PACRG: variants seen among roughly 807,000 people sequenced by gnomAD.
PACRG encodes the protein parkin coregulated, also known as parkin coregulated gene protein.
Under a neutral mutation model 29.7 loss-of-function variants are expected in PACRG, and 29 were observed. The observed-to-expected ratio is 0.98, with a 90% confidence interval of 0.73 to 1.33. PACRG has a LOEUF of 1.33. Among genes scored for constraint, PACRG ranks in the 40% most tolerant of loss-of-function variants. The pLI, the probability that PACRG is intolerant of heterozygous loss-of-function variation, is 0.00. For synonymous variants in PACRG, 116 were observed against 118.7 expected (o/e 0.98, Z 0.15); for missense variants, 279 against 316.2 (o/e 0.88, Z 0.89).
chr6:162,930,622 A>G (rs1797779533), intron 2 of PACRG, among the ~76,000 whole-genome samples: 1 of 151,972 alleles, frequency 6.6e-6, no homozygotes, highest in Non-Finnish European at 1.5e-5. Context: ...GACTTCCATT[A>G]TTACATTGAA....
At chr6:162,931,260 C>T (rs1797833521) in intron 2 of PACRG, among the ~76,000 whole-genome samples, 1 of 151,774 alleles carries the variant, frequency 6.6e-6, no homozygotes, top group Middle Eastern at 3.2e-3. Context: ...TTTCTTCCAG[C>T]ACACAAGTTG....
At chr6:163,249,015 CAAAAA>C (rs57866351) in intron 4 of PACRG, among the ~76,000 whole-genome samples, 13,722 of 107,392 alleles carry the variant, frequency 0.13, 555 homozygotes, top group African/African-American at 0.15. Flanking sequence ...GACTCTGTCT[CAAAAA>C]AAAAAAAAAA....
intron 4 of PACRG, among the ~76,000 whole-genome samples, chr6:163,138,773 C>T (rs1038066054): frequency 5.3e-5 from 8 of 152,186 alleles, no homozygotes; most frequent in Non-Finnish European, 2.9e-5. Context: ...TTATCCCTAC[C>T]TGTTCATTGC....
intron 2 of PACRG, among the ~76,000 whole-genome samples, chr6:163,020,937 C>T (rs1022506236): frequency 3.3e-5 from 5 of 152,174 alleles, no homozygotes; most frequent in African/African-American, 1.2e-4. Context: ...CCCCCACGGC[C>T]TCAGCACCCT....
At chr6:162,881,956 A>T (rs1470182481) in intron 2 of PACRG, among the ~76,000 whole-genome samples, 2 of 35,324 alleles carry the variant, frequency 5.7e-5, no homozygotes, top group Non-Finnish European at 1.1e-4. Flanking sequence ...AAGACCAGAG[A>T]TGGGTGGGGG....
intron 1 of PACRG, among the ~76,000 whole-genome samples, chr6:162,754,613 A>C (rs1781758049): frequency 6.6e-6 from 1 of 151,582 alleles, no homozygotes; most frequent in South Asian, 2.1e-4. Flanking sequence ...CTTATAGTTA[A>C]GTTTTTTTTT....
At chr6:163,146,071 T>C (rs1002638376) in intron 4 of PACRG, among the ~76,000 whole-genome samples, 2 of 152,246 alleles carry the variant, frequency 1.3e-5, no homozygotes, top group African/African-American at 4.8e-5. Context: ...TTCTCCCTTC[T>C]GTTTAGTTCT....
In PACRG at chr6:163,052,612, C is replaced by T. The variant is rs1810133152; in HGVS notation, c.292-9538C>T. Among the ~76,000 whole-genome samples the T allele has an allele frequency of 3.3e-5, 5 of 152,220 alleles. No individual in the cohort carries two copies. In the South Asian group the frequency reaches 8.3e-4, roughly 25 times the overall value. The stretch of plus-strand genomic sequence containing the variant: ...TAGTGAGTGAATTCTCCTTGGCCTT[C>T]CACCATGATTATAAGTTTCCTGAGG... On this transcript the variant is annotated intron_variant, in intron 2 of 4. Coordinates refer to ENST00000366888, the MANE Select transcript of PACRG (RefSeq NM_001080379.2).
At chr6:163,307,022 A>G (rs915872318) in intron 4 of PACRG, among the ~76,000 whole-genome samples, 1 of 152,320 alleles carries the variant, frequency 6.6e-6, no homozygotes, top group African/African-American at 2.4e-5. Context: ...ATCTCAGGCT[A>G]TTTGCCTTGA....
intron 4 of PACRG, among the ~76,000 whole-genome samples, chr6:163,155,469 G>A (rs1406873449): frequency 6.6e-6 from 1 of 152,258 alleles, no homozygotes; most frequent in East Asian, 1.9e-4. Flanking sequence ...GGATTAGGAA[G>A]GTCTTGTGTG....
chr6:162,745,402 G>T (rs1220859512), intron 1 of PACRG, among the ~76,000 whole-genome samples: 1 of 152,052 alleles, frequency 6.6e-6, no homozygotes, highest in Non-Finnish European at 1.5e-5. Flanking sequence ...GGGGTGAGGG[G>T]AGGGAGAGCA....
At chr6:162,913,767 C>T (rs1796479694) in intron 2 of PACRG, among the ~76,000 whole-genome samples, 1 of 152,286 alleles carries the variant, frequency 6.6e-6, no homozygotes, top group East Asian at 1.9e-4. Flanking sequence ...AATGGATACA[C>T]AGTGACTGAG....
chr6:162,758,399 T>C (rs1782095287), intron 1 of PACRG, among the ~76,000 whole-genome samples: 1 of 152,210 alleles, frequency 6.6e-6, no homozygotes, highest in African/African-American at 2.4e-5. Context: ...ATTTCTTTTT[T>C]CTTGACTATA....
chr6:163,013,882 G>A (rs555055329), intron 2 of PACRG, among the ~76,000 whole-genome samples: 1 of 145,480 alleles, frequency 6.9e-6, no homozygotes, highest in Non-Finnish European at 1.5e-5. Context: ...TTTTTTACTT[G>A]ACCAAATCTT....
chr6:162,933,157 C>T (rs966467451), intron 2 of PACRG, among the ~76,000 whole-genome samples: 3 of 152,074 alleles, frequency 2.0e-5, no homozygotes, highest in South Asian at 2.1e-4. Context: ...ACTCTCCGTA[C>T]ATTTGTATTT....
chr6:162,748,781 A>G (rs564786665), intron 1 of PACRG, among the ~76,000 whole-genome samples: 8 of 152,164 alleles, frequency 5.3e-5, no homozygotes, highest in Non-Finnish European at 8.8e-5. Flanking sequence ...AAATAAAACC[A>G]TTTCAAATCT....
At chr6:163,257,621 T>A (rs1016444668) in intron 4 of PACRG, among the ~76,000 whole-genome samples, 1 of 152,266 alleles carries the variant, frequency 6.6e-6, no homozygotes, top group Non-Finnish European at 1.5e-5. Flanking sequence ...TTGGATTATA[T>A]AAATCTATTA....
chr6:163,005,160 C>T (rs1804950652), intron 2 of PACRG, among the ~76,000 whole-genome samples: 1 of 151,924 alleles, frequency 6.6e-6, no homozygotes, highest in Non-Finnish European at 1.5e-5. Context: ...CCCTCTCATT[C>T]CTCTAAGTGG....
At chr6:162,954,479 T>A (rs1041971525) in intron 2 of PACRG, among the ~76,000 whole-genome samples, 1 of 151,922 alleles carries the variant, frequency 6.6e-6, no homozygotes, top group African/African-American at 2.4e-5. Flanking sequence ...CAATTTAGAA[T>A]TGGTTGCTCT....
Sources: gnomAD v4.1 joint callset for allele counts (sites outside exome capture counted in the v4.1 genomes callset) on GRCh38, gnomAD v4.1.1 for gene constraint, MANE v1.5 for transcripts, NCBI Gene and HGNC (gene_info 2026-07-23, HGNC 2026-07-21) for gene names.